The following CADPS variants were observed in gnomAD, a reference collection of about 807,000 sequenced individuals.
The protein encoded by CADPS is calcium-dependent secretion activator 1.
In CADPS, 57 loss-of-function variants were observed where a neutral mutation model predicts 167.3. The observed-to-expected ratio is 0.34, with a 90% confidence interval of 0.28 to 0.42. The LOEUF is 0.42. Ranked by LOEUF, CADPS falls within the 20% of genes least tolerant of loss-of-function variation. The pLI is 1.00. For missense variants in CADPS, 1,414 were observed against 1,738.1 expected (o/e 0.81, Z 3.32); for synonymous variants, 676 against 635.3 (o/e 1.06, Z -0.96).
intron 3 of CADPS, among the ~76,000 whole-genome samples, chr3:62,736,310 T>A (rs184525178): frequency 6.6e-6 from 1 of 152,306 alleles, no homozygotes; most frequent in East Asian, 1.9e-4. Flanking sequence ...CCTGATACCA[T>A]TTCCCCAAAA....
chr3:62,845,119 C>A (rs1436954345), intron 1 of CADPS, among the ~76,000 whole-genome samples: 2 of 152,202 alleles, frequency 1.3e-5, no homozygotes, highest in East Asian at 3.9e-4. Flanking sequence ...GTGGTTCCTG[C>A]TCCTTTGTTT....
At chr3:62,747,103 C>T (rs116233772) in intron 3 of CADPS, among the ~76,000 whole-genome samples, 1,929 of 152,310 alleles carry the variant, frequency 0.013, 46 homozygotes, top group African/African-American at 0.044. Context: ...CCTCAGCATA[C>T]AACACATGAT....
chr3:62,718,597 G>A (rs1554109690), intron 3 of CADPS, among the ~76,000 whole-genome samples: 1 of 152,218 alleles, frequency 6.6e-6, no homozygotes, highest in Non-Finnish European at 1.5e-5. Context: ...TCTCATTCAT[G>A]TGTAGACATG....
chr3:62,863,784 G>A (rs978274388), intron 1 of CADPS, among the ~76,000 whole-genome samples: 1 of 152,224 alleles, frequency 6.6e-6, no homozygotes, highest in South Asian at 2.1e-4. Flanking sequence ...CTTTGGTGGT[G>A]AGGATGAACA....
intron 12 of CADPS, 48 bp from the exon 13 acceptor site, chr3:62,533,106 T>C: frequency 6.5e-7 from 1 of 1,544,860 alleles, no homozygotes; most frequent in Non-Finnish European, 8.9e-7. Context: ...CAGGTTGTTT[T>C]CTGGAGAGCT....
chr3:62,638,938 T>G (rs9872974), intron 6 of CADPS, among the ~76,000 whole-genome samples: 6,419 of 152,230 alleles, frequency 0.042, 459 homozygotes, highest in African/African-American at 0.14. Context: ...TGATGGAGCT[T>G]GGAGAAGAAT....
At chr3:62,607,419 C>A (rs551547183) in intron 6 of CADPS, among the ~76,000 whole-genome samples, 338 of 152,330 alleles carry the variant, frequency 2.2e-3, no homozygotes, top group Middle Eastern at 3.4e-3. Flanking sequence ...CACGAACGCT[C>A]AAGTGCTCCC....
chr3:62,696,702 C>G (rs1234579418), intron 3 of CADPS, among the ~76,000 whole-genome samples: 1 of 152,044 alleles, frequency 6.6e-6, no homozygotes, highest in Non-Finnish European at 1.5e-5. Context: ...ATATTGCTAA[C>G]AATTCTTGAT....
intron 28 of CADPS, among the ~76,000 whole-genome samples, chr3:62,418,610 G>A (rs2050681031): frequency 6.6e-6 from 1 of 150,764 alleles, no homozygotes; most frequent in Admixed American, 6.6e-5. Context: ...CAAAGTGCTG[G>A]CATTATAGGT....
At chr3:62,510,077 T>C (rs1240937316) in intron 17 of CADPS, among the ~76,000 whole-genome samples, 1 of 152,116 alleles carries the variant, frequency 6.6e-6, no homozygotes, top group African/African-American at 2.4e-5. Context: ...CTCTCTTCTC[T>C]CTTTCTCTCC....
chr3:62,512,792 A>T (rs1189763021), intron 16 of CADPS, 24 bp from the exon 17 acceptor site: 2 of 1,599,108 alleles, frequency 1.3e-6, no homozygotes, highest in African/African-American at 2.7e-5. Context: ...AGAGCACAAC[A>T]AGGAGAGAAG....
At chr3:62,748,991 T>G (rs2082122495) in intron 3 of CADPS, among the ~76,000 whole-genome samples, 1 of 152,234 alleles carries the variant, frequency 6.6e-6, no homozygotes, top group Non-Finnish European at 1.5e-5. Flanking sequence ...CAGCCTACCT[T>G]ACTTTTTTTG....
intron 3 of CADPS, among the ~76,000 whole-genome samples, chr3:62,665,754 T>C (rs1031484031): frequency 6.6e-6 from 1 of 152,202 alleles, no homozygotes; most frequent in Non-Finnish European, 1.5e-5. Flanking sequence ...TGTGTCCTTA[T>C]CCTGGTTGTG....
rs1426646209 is a variant in CADPS at position 62,653,258 on chromosome 3, A to AG, written c.970-2179dup. 5.3e-5 allele frequency among the ~76,000 whole-genome samples: 8 copies of AG among 152,240 alleles called. No individual in the cohort carries two copies. The South Asian group carries it at 1.2e-3, about 24-fold the overall frequency. On this transcript the variant is annotated intron_variant, in intron 4 of 29. Transcript: ENST00000383710. ...GCCTTGGGAAGATGATTAGATCATG[A>AG]GGGCCCTCATGATGGAACTAGTGCC...
chr3:62,818,431 A>G (rs2094730650), intron 1 of CADPS, among the ~76,000 whole-genome samples: 1 of 152,208 alleles, frequency 6.6e-6, no homozygotes, highest in Non-Finnish European at 1.5e-5. Context: ...GCTAATAAGC[A>G]CATGAAAAAG....
intron 3 of CADPS, among the ~76,000 whole-genome samples, chr3:62,710,971 G>C (rs4688141): frequency 0.38 from 57,162 of 151,878 alleles, 12,527 homozygotes; most frequent in East Asian, 0.74. Flanking sequence ...CCTTTGTGAG[G>C]TTTGTGCCCC....
At chr3:62,505,254 C>A (rs1232540336) in intron 17 of CADPS, among the ~76,000 whole-genome samples, 4 of 152,172 alleles carry the variant, frequency 2.6e-5, no homozygotes, top group Admixed American at 1.3e-4. Flanking sequence ...CCCCTTGATT[C>A]TCCAATATCC....
chr3:62,874,693 C>G lies in CADPS; in HGVS notation c.337G>C (p.Glu113Gln), dbSNP rs762313702. The change falls in exon 1 of 30, where the codon GAG becomes CAG. Residue 113 changes from glutamate (E) to glutamine (Q), a missense_variant. By Grantham distance (29) the Glu-to-Gln change is conservative. Transcript: ENST00000383710. The surrounding 1 kb of genome is among the most constrained non-coding windows in gnomAD (Gnocchi z 7.1). ...AGCTGCAGCCTCTTCTTCCTCTCCT[C>G]CTCCTCTTTCTGCAGCCGCTCCAAC... ...EELERLQKEEEERKKRLQLYV... is the reference protein window; with the variant it reads ...EELERLQKEEQERKKRLQLYV... 9.7e-6 allele frequency: 15 copies of G among 1,553,136 alleles called. No individual in the cohort carries two copies. Among genetic ancestry groups the G allele is most frequent in the Non-Finnish European group, 1.2e-5 (14 of 1,147,366 alleles).
chr3:62,419,290 T>C (rs997553280), intron 28 of CADPS, among the ~76,000 whole-genome samples: 6 of 152,186 alleles, frequency 3.9e-5, no homozygotes, highest in Non-Finnish European at 8.8e-5. Flanking sequence ...ATTAACAAAC[T>C]GACCACTGTT....
Sources: gnomAD v4.1 joint callset for allele counts (sites outside exome capture counted in the v4.1 genomes callset) on GRCh38, gnomAD v4.1.1 for gene constraint, Gnocchi (gnomAD v3.1) non-coding constraint, MANE v1.5 for transcripts, NCBI Gene and HGNC (gene_info 2026-07-23, HGNC 2026-07-21) for gene names.